NUP54: variants seen among roughly 807,000 people sequenced by gnomAD.
The protein encoded by NUP54 is nucleoporin 54.
In NUP54, 27 loss-of-function variants were observed where a neutral mutation model predicts 66.4. The observed-to-expected ratio is 0.41, with a 90% CI of 0.30 to 0.56. The LOEUF (loss-of-function observed/expected upper bound fraction) is 0.56, where lower values mean the gene tolerates loss of function less well. Ranked by LOEUF, NUP54 falls within the 20% of genes least tolerant of loss-of-function variation. NUP54 has a pLI of 0.34. For missense variants in NUP54, 486 were observed against 596.3 expected (o/e 0.82, Z 1.93); for synonymous variants, 206 against 210.7 (o/e 0.98, Z 0.19).
At chr4:76,123,991 T>TA (rs1271572877) in intron 9 of NUP54, among the ~76,000 whole-genome samples, 3 of 152,234 alleles carry the variant, frequency 2.0e-5, no homozygotes, top group African/African-American at 4.8e-5. Context: ...TTACATTTTT[T>TA]AGTCTTTCAC....
chr4:76,120,578 G>A (rs1029332274), intron 9 of NUP54, among the ~76,000 whole-genome samples: 4 of 151,998 alleles, frequency 2.6e-5, no homozygotes, highest in Non-Finnish European at 4.4e-5. Flanking sequence ...ACAGGCACCT[G>A]CCACCATGCC....
Position 76,118,065 on chromosome 4 carries a change from A to G in NUP54, c.1284+10T>C. 6.2e-7 allele frequency: 1 copy of G among 1,612,966 alleles called. No individual in the cohort carries two copies. Among genetic ancestry groups the G allele is most frequent in the Middle Eastern group, 1.7e-4 (1 of 6,050 alleles). On this transcript the variant is annotated intron_variant, in intron 10 of 11. Transcript: ENST00000264883. The stretch of plus-strand genomic sequence containing the variant: ...ACAAATTTTAGAATTATGGTCTTAG[A>G]AGTGGTTACCTTGAACTGAGTAGGT...
chr4:76,138,038 A>C (rs1290167251), intron 3 of NUP54, among the ~76,000 whole-genome samples: 2 of 152,216 alleles, frequency 1.3e-5, no homozygotes, highest in African/African-American at 4.8e-5. Flanking sequence ...GATATTGTTT[A>C]AGTTCTCTTT....
At chr4:76,123,121 T>C (rs1730305301) in intron 9 of NUP54, among the ~76,000 whole-genome samples, 1 of 152,158 alleles carries the variant, frequency 6.6e-6, no homozygotes, top group Non-Finnish European at 1.5e-5. Flanking sequence ...TGTTCTAAAA[T>C]TGATTGTGGT....
At chr4:76,147,447 C>T in intron 1 of NUP54, 1 of 1,278,620 alleles carries the variant, frequency 7.8e-7, no homozygotes, top group Non-Finnish European at 1.0e-6. Context: ...CAGCTCCCAA[C>T]ACTGGTTACA....
In NUP54 at chr4:76,129,966, G is replaced by GTTTTTT. The variant is rs775109047; in HGVS notation, c.1056+684_1056+689dup. On this transcript the variant is annotated intron_variant, in intron 8 of 11. Coordinates refer to ENST00000264883, the MANE Select transcript of NUP54 (RefSeq NM_017426.4). Reference sequence around the variant, plus strand: ...AATCTTTAAGTATTTAATTATGAAAGTTTTTTTTTTTTTTTTTTTTTTTTT... The same window carrying GTTTTTT: ...AATCTTTAAGTATTTAATTATGAAAGTTTTTTTTTTTTTTTTTTTTTTTTTTTTTTT... Among the ~76,000 whole-genome samples, 191 of 56,864 alleles carry GTTTTTT rather than the reference G, an allele frequency of 3.4e-3. 42 individuals carry two copies. Among genetic ancestry groups the GTTTTTT allele is most frequent in the Non-Finnish European group, 4.9e-3 (163 of 33,170 alleles). 37.3% of individuals were successfully genotyped at this position (56,864 alleles called of 152,430 possible).
At chr4:76,129,647 C>T (rs1170977819) in intron 8 of NUP54, among the ~76,000 whole-genome samples, 1 of 152,020 alleles carries the variant, frequency 6.6e-6, no homozygotes, top group Non-Finnish European at 1.5e-5. Context: ...GGGTGGATCA[C>T]GAGGTCAGGA....
intron 11 of NUP54, among the ~76,000 whole-genome samples, chr4:76,116,886 G>A (rs1729975330): frequency 6.6e-6 from 1 of 152,034 alleles, no homozygotes; most frequent in African/African-American, 2.4e-5. Flanking sequence ...CATCTTTTTG[G>A]CGAGGAGAGG....
intron 3 of NUP54, among the ~76,000 whole-genome samples, chr4:76,137,542 C>T (rs1156955331): frequency 6.6e-6 from 1 of 151,950 alleles, no homozygotes; most frequent in Non-Finnish European, 1.5e-5. Context: ...AAACATTTTC[C>T]TTTCTCTCAT....
At chr4:76,142,418 A>C (rs1042874505) in intron 3 of NUP54, among the ~76,000 whole-genome samples, 1 of 152,232 alleles carries the variant, frequency 6.6e-6, no homozygotes, top group Non-Finnish European at 1.5e-5. Context: ...TTAGCTAGTC[A>C]ATCAAGTTAC....
intron 11 of NUP54, among the ~76,000 whole-genome samples, chr4:76,116,807 G>T (rs72655521): frequency 0.041 from 6,221 of 152,160 alleles, 180 homozygotes; most frequent in Non-Finnish European, 0.061. Flanking sequence ...GACCTTCCAG[G>T]TGCGGCTACT....
Position 76,134,277 on chromosome 4 carries a change from C to T in NUP54, c.608G>A (p.Arg203Gln). ...TTCTACCAACTGTTGTTGTTGGCTT[C>T]GAATCTCTGTTTCTTTTTTGTTGAA... ...LVFNKKETEI[R>Q]SQQQQLVESL... Residue 203 changes from arginine to glutamine, a missense_variant, in exon 5 of 12, where the codon CGA (arginine) becomes CAA (glutamine). By Grantham distance (43) the Arg-to-Gln change is conservative (BLOSUM62 1). This residue lies in a region of NUP54 where 217 missense variants were observed against 247.9 expected (regional missense o/e 0.88). Coordinates refer to ENST00000264883, the MANE Select transcript of NUP54 (RefSeq NM_017426.4). The T allele has an allele frequency of 1.2e-6, 2 of 1,613,770 alleles. No individual in the cohort carries two copies. The highest frequency in any genetic ancestry group is 1.1e-5 in the South Asian group (1 of 91,068).
chr4:76,141,012 C>T (rs1415883282), intron 3 of NUP54, among the ~76,000 whole-genome samples: 1 of 152,162 alleles, frequency 6.6e-6, no homozygotes, highest in Non-Finnish European at 1.5e-5. Flanking sequence ...CTGAAGGATC[C>T]TCGATAATCC....
At chr4:76,128,090 G>A (rs183467208) in intron 8 of NUP54, among the ~76,000 whole-genome samples, 29 of 152,284 alleles carry the variant, frequency 1.9e-4, no homozygotes, top group Middle Eastern at 3.4e-3. Context: ...AATGCTGAAA[G>A]GGAGCTCCAA....
At position 76,136,350 on chromosome 4, in the gene NUP54, T is replaced by G; in HGVS notation, c.358A>C (p.Thr120Pro). ...GTTGGAGCAGAAAGAGCACTCGCAGTATTTATCAGCTGGTTGGACTGGGTA... is the reference window on the plus strand; with the variant it reads ...GTTGGAGCAGAAAGAGCACTCGCAGGATTTATCAGCTGGTTGGACTGGGTA... ...APTQSNQLINTASALSAPTLL... is the reference protein window; with the variant it reads ...APTQSNQLINPASALSAPTLL... The change falls in exon 4 of 12, where the codon ACT becomes CCT. Residue 120 changes from threonine to proline, a missense_variant. Thr to Pro is a conservative substitution (Grantham distance 38). Around this residue, in one of 4 missense-constraint regions of NUP54, gnomAD observed 41 missense variants for 82.7 expected, o/e 0.50. Coordinates refer to ENST00000264883, the MANE Select transcript of NUP54 (RefSeq NM_017426.4). 6.2e-7 allele frequency: 1 copy of G among 1,614,130 alleles called. No individual in the cohort carries two copies. Among genetic ancestry groups the G allele is most frequent in the Non-Finnish European group, 8.5e-7 (1 of 1,179,990 alleles).
chr4:76,124,678 G>C lies in NUP54; in HGVS notation c.1135C>G (p.Leu379Val). The C allele has an allele frequency of 6.5e-7, 1 of 1,542,936 alleles. No individual in the cohort carries two copies. Among genetic ancestry groups the C allele is most frequent in the East Asian group, 2.5e-5 (1 of 40,424 alleles). The change falls in exon 9 of 12, where the codon CTC (leucine) becomes GTC (valine). Residue 379 changes from leucine (L) to valine (V), a missense_variant. This residue lies in a region of NUP54 where 217 missense variants were observed against 247.9 expected (regional missense o/e 0.88). Coordinates refer to ENST00000264883, the MANE Select transcript of NUP54 (RefSeq NM_017426.4). ...AAAGTTCTATGGGAAAGATCCATGA[G>C]TTTCCTCTTGTATTGTGCAATTTTG... ...VAKIAQYKRK[L>V]MDLSHRTLQV...
intron 3 of NUP54, among the ~76,000 whole-genome samples, chr4:76,140,328 C>T (rs954884115): frequency 1.3e-5 from 2 of 149,952 alleles, no homozygotes; most frequent in African/African-American, 4.9e-5. Flanking sequence ...CTCTGTCACC[C>T]AGGCTGGAGT....
chr4:76,141,378 C>T (rs896127653), intron 3 of NUP54, among the ~76,000 whole-genome samples: 2 of 152,166 alleles, frequency 1.3e-5, no homozygotes, highest in African/African-American at 4.8e-5. Context: ...TACTTACGTT[C>T]TGATGGCTTT....
intron 8 of NUP54, among the ~76,000 whole-genome samples, chr4:76,126,956 A>G (rs1191958185): frequency 6.6e-6 from 1 of 152,144 alleles, no homozygotes; most frequent in Non-Finnish European, 1.5e-5. Context: ...ATGCTACTAG[A>G]TATTAAGATA....
Sources: gnomAD v4.1 joint callset for allele counts (sites outside exome capture counted in the v4.1 genomes callset) on GRCh38, gnomAD v4.1.1 for gene constraint, gnomAD v4.1.1 regional missense constraint, MANE v1.5 for transcripts, NCBI Gene and HGNC (gene_info 2026-07-23, HGNC 2026-07-21) for gene names.